The following KALRN variants were observed in gnomAD, a reference collection of about 807,000 sequenced individuals.
KALRN encodes kalirin.
KALRN carries 70 observed loss-of-function variants against 353.7 expected under a neutral mutation model. That is an observed-to-expected ratio of 0.20 (90% CI 0.16 to 0.24). The LOEUF (loss-of-function observed/expected upper bound fraction) is 0.24, where lower values mean the gene tolerates loss of function less well. Among genes scored for constraint, KALRN ranks in the 10% least tolerant of loss-of-function variants. KALRN has a pLI of 1.00. For synonymous variants in KALRN, 1,391 were observed against 1,434.8 expected, an observed-to-expected ratio of 0.97 and a Z score of 0.69; for missense variants, 2,791 against 3,756.7, an observed-to-expected ratio of 0.74 and a Z score of 6.72.
chr3:124,711,303 T>G (rs2062875892), intron 57 of KALRN, among the ~76,000 whole-genome samples: 1 of 152,178 alleles, frequency 6.6e-6, no homozygotes, highest in Non-Finnish European at 1.5e-5. Context: ...ATGACAAGCA[T>G]GAGCCATTGC....
chr3:124,610,148 G>A (rs1401749092), intron 34 of KALRN, among the ~76,000 whole-genome samples: 1 of 152,204 alleles, frequency 6.6e-6, no homozygotes, highest in Non-Finnish European at 1.5e-5. Context: ...CCTTCATGGA[G>A]CTTTTAGTGA....
At chr3:124,604,898 G>A (rs192594102) in intron 34 of KALRN, among the ~76,000 whole-genome samples, 184 of 152,034 alleles carry the variant, frequency 1.2e-3, no homozygotes, top group African/African-American at 4.2e-3. Context: ...GCTCATGCTT[G>A]TAATTCCAGC....
At position 124,438,899 on chromosome 3, in the gene KALRN, C is replaced by A. The variant is rs1361537060; in HGVS notation, c.3060C>A (p.Val1020=). 1.9e-6 allele frequency: 3 copies of A among 1,613,724 alleles called. No individual in the cohort carries two copies. The highest frequency in any genetic ancestry group is 2.5e-6 in the Non-Finnish European group (3 of 1,179,820). The change falls in exon 18 of 60, where the codon GTC becomes GTA. Residue 1020 remains valine, a synonymous_variant. Transcript: ENST00000682506. Reference sequence around the variant, plus strand: ...CCATGATTCACTAGGTGTGTAGTGTCCTGGAGAGCTTAGAGCAAGAATACC... The same window carrying A: ...CCATGATTCACTAGGTGTGTAGTGTACTGGAGAGCTTAGAGCAAGAATACC... ...FYKTSEQVCS[V]LESLEQEYRR...
At chr3:124,204,975 T>C (rs199974364) in intron 1 of KALRN, among the ~76,000 whole-genome samples, 1 of 3,658 alleles carries the variant, frequency 2.7e-4, no homozygotes, top group Non-Finnish European at 0.25. Context: ...CCCTTGTGTC[T>C]TTGTAACATT....
chr3:124,290,666 AG>A (rs1417764284), intron 5 of KALRN, among the ~76,000 whole-genome samples: 10 of 152,170 alleles, frequency 6.6e-5, no homozygotes, highest in Non-Finnish European at 1.2e-4. Context: ...TTGGTGCCTT[AG>A]TTTCCTAATT....
intron 5 of KALRN, among the ~76,000 whole-genome samples, chr3:124,279,821 G>A (rs1344098072): frequency 6.6e-6 from 1 of 152,236 alleles, no homozygotes; most frequent in East Asian, 1.9e-4. Flanking sequence ...GCACAGGTAA[G>A]TTCACAACGG....
At chr3:124,391,889 G>A (rs1046151582) in intron 11 of KALRN, among the ~76,000 whole-genome samples, 3 of 152,130 alleles carry the variant, frequency 2.0e-5, no homozygotes, top group Admixed American at 1.3e-4. Flanking sequence ...CTGAGACAAA[G>A]TGGCAAAAAC....
chr3:124,597,072 A>C (rs1239374690), intron 34 of KALRN, among the ~76,000 whole-genome samples: 2 of 74,324 alleles, frequency 2.7e-5, no homozygotes, highest in South Asian at 3.7e-4. Context: ...ACAAAAACAC[A>C]AACAAAACAA....
chr3:124,047,588 G>A (rs929741836), intron 1 of KALRN, among the ~76,000 whole-genome samples: 11 of 150,216 alleles, frequency 7.3e-5, no homozygotes, highest in African/African-American at 2.7e-4. Context: ...TGCCCCCTGG[G>A]TTCATGCCAT....
chr3:124,169,544 A>C (rs2071415542), intron 1 of KALRN, among the ~76,000 whole-genome samples: 1 of 151,982 alleles, frequency 6.6e-6, no homozygotes, highest in East Asian at 1.9e-4. Context: ...AATCCCGGGG[A>C]TTGACAGAGG....
At chr3:124,499,015 G>A (rs1321196285) in intron 33 of KALRN, among the ~76,000 whole-genome samples, 2 of 152,264 alleles carry the variant, frequency 1.3e-5, no homozygotes, top group East Asian at 3.9e-4. Flanking sequence ...GCAAACAAGG[G>A]TGCTGTGGGA....
intron 28 of KALRN, among the ~76,000 whole-genome samples, chr3:124,487,099 C>T (rs1219865308): frequency 1.3e-5 from 2 of 152,218 alleles, no homozygotes; most frequent in East Asian, 1.9e-4. Context: ...CATGCATCCC[C>T]TGCCCCCTCG....
intron 3 of KALRN, among the ~76,000 whole-genome samples, chr3:124,241,929 A>C (rs1473974278): frequency 2.0e-5 from 3 of 152,230 alleles, no homozygotes; most frequent in Admixed American, 2.0e-4. Flanking sequence ...GGGGGTGGGC[A>C]AAGGAGATGA....
chr3:124,357,910 G>T (rs2083599739), intron 10 of KALRN, among the ~76,000 whole-genome samples: 2 of 152,172 alleles, frequency 1.3e-5, no homozygotes, highest in South Asian at 4.1e-4. Flanking sequence ...GAATGCCTTT[G>T]TTGGGCGGAT....
intron 33 of KALRN, among the ~76,000 whole-genome samples, chr3:124,504,178 G>A (rs2064948424): frequency 6.6e-6 from 1 of 152,152 alleles, no homozygotes; most frequent in Non-Finnish European, 1.5e-5. Context: ...AGATCTATAG[G>A]TGATAGCTGC....
chr3:124,576,045 T>C (rs2074059238), intron 34 of KALRN, among the ~76,000 whole-genome samples: 1 of 151,768 alleles, frequency 6.6e-6, no homozygotes, highest in Non-Finnish European at 1.5e-5. Context: ...GGGCCTGATC[T>C]TTTGTTCCCT....
intron 1 of KALRN, among the ~76,000 whole-genome samples, chr3:124,208,550 T>G (rs2076620646): frequency 6.6e-6 from 1 of 152,212 alleles, no homozygotes; most frequent in South Asian, 2.1e-4. Context: ...TTTAGCTCTC[T>G]GCTTGGGGAA....
intron 8 of KALRN, among the ~76,000 whole-genome samples, chr3:124,331,752 G>A (rs895897534): frequency 5.9e-5 from 9 of 152,144 alleles, no homozygotes; most frequent in Non-Finnish European, 8.8e-5. Context: ...TGAGGTGTGG[G>A]TGTAATTATA....
chr3:124,159,828 G>A (rs2069637872), intron 1 of KALRN, among the ~76,000 whole-genome samples: 1 of 151,906 alleles, frequency 6.6e-6, no homozygotes, highest in Non-Finnish European at 1.5e-5. Flanking sequence ...TCTTAATCCG[G>A]TGTTCATATA....
Sources: allele counts gnomAD v4.1 joint callset (sites outside exome capture counted in the v4.1 genomes callset), GRCh38; gene constraint gnomAD v4.1.1; transcripts MANE v1.5; gene names NCBI Gene and HGNC (gene_info 2026-07-23, HGNC 2026-07-21).